Variants in GABRA5 observed in about 807,000 individuals in gnomAD.
GABRA5 encodes gamma-aminobutyric acid type A receptor subunit alpha5, also known as gamma-aminobutyric acid receptor subunit alpha-5.
GABRA5 carries 18 observed loss-of-function variants against 47.3 expected under a neutral mutation model. The observed-to-expected ratio is 0.38, with a 90% confidence interval of 0.26 to 0.56. The LOEUF is 0.56. Among genes scored for constraint, GABRA5 ranks in the 20% least tolerant of loss-of-function variants. GABRA5 has a pLI of 0.71. For synonymous variants in GABRA5, 237 were observed against 229.3 expected, an observed-to-expected ratio of 1.03 and a Z score of -0.30; for missense variants, 365 against 599.3, an observed-to-expected ratio of 0.61 and a Z score of 4.08.
intron 3 of GABRA5, among the ~76,000 whole-genome samples, chr15:26,872,493 T>C (rs1203066594): frequency 6.6e-6 from 1 of 152,214 alleles, no homozygotes; most frequent in East Asian, 1.9e-4. Context: ...AGAGGGAACG[T>C]AATTCTAAAA....
At chr15:26,905,196 C>T (rs1216044153) in intron 6 of GABRA5, among the ~76,000 whole-genome samples, 1 of 151,922 alleles carries the variant, frequency 6.6e-6, no homozygotes, top group Admixed American at 6.6e-5. Flanking sequence ...GGAATGCTCC[C>T]TCAGTGGCTG....
rs527687461 is a variant in GABRA5, at chr15:26,883,185, G to A, written c.228G>A (p.Arg76=). 4 of 1,613,928 alleles carry A rather than the reference G, an allele frequency of 2.5e-6. 1 individual carries two copies. In the South Asian group the frequency reaches 4.4e-5, roughly 18 times the overall value. The change falls in exon 5 of 11, where the codon AGG becomes AGA. Residue 76 remains arginine (R), a synonymous_variant. Transcript: ENST00000335625. The surrounding 1 kb of genome is among the most constrained non-coding windows in gnomAD (Gnocchi z 4.8). ...PGLGERITQV[R]TDIYVTSFGP... is the part of the protein sequence containing the mutation. Reference sequence around the variant, plus strand: ...TTTCAGAGCGCATCACTCAGGTGAGGACCGACATCTACGTCACCAGCTTCG... The same window carrying A: ...TTTCAGAGCGCATCACTCAGGTGAGAACCGACATCTACGTCACCAGCTTCG...
chr15:26,943,208 C>T lies in GABRA5; in HGVS notation c.878-7C>T, dbSNP rs1894427464. 1 of 1,549,656 alleles carries T rather than the reference C, an allele frequency of 6.5e-7. No individual in the cohort carries two copies. The highest frequency in any genetic ancestry group is 2.4e-5 in the East Asian group (1 of 40,934). On this transcript the variant is annotated splice_region_variant and splice_polypyrimidine_tract_variant and intron_variant, in intron 9 of 10. Coordinates refer to ENST00000335625, the MANE Select transcript of GABRA5 (RefSeq NM_000810.4). Reference sequence around the variant, plus strand: ...GTTTTTCACTCTGCCCTGCCTGACCCCCGCAGGGGTCACCACGGTGCTGAC... The same window carrying T: ...GTTTTTCACTCTGCCCTGCCTGACCTCCGCAGGGGTCACCACGGTGCTGAC...
chr15:26,887,519 A>G (rs920078470), intron 6 of GABRA5, among the ~76,000 whole-genome samples: 1 of 151,966 alleles, frequency 6.6e-6, no homozygotes, highest in Non-Finnish European at 1.5e-5. Context: ...TAAAGTAGAG[A>G]CGGGGTTTCA....
At chr15:26,935,719 C>G (rs538333647) in intron 7 of GABRA5, among the ~76,000 whole-genome samples, 2 of 152,354 alleles carry the variant, frequency 1.3e-5, no homozygotes, top group Admixed American at 1.3e-4. Flanking sequence ...TGCAGGAGGC[C>G]TCTCCACCCT....
Position 26,883,602 on chromosome 15 carries a change from G to A in GABRA5, c.497+45G>A, listed in dbSNP as rs777312866. On this transcript the variant is annotated intron_variant, in intron 6 of 10. Transcript: ENST00000335625. The surrounding 1 kb of genome is among the most constrained non-coding windows in gnomAD (Gnocchi z 4.8). The stretch of plus-strand genomic sequence containing the variant: ...GGGCGGGGCCGGGGGACGGTGCGGG[G>A]CAGGCGCGGCTGCCCATCCTGCCGC... 1 of 1,415,088 alleles carries A rather than the reference G, an allele frequency of 7.1e-7. No individual in the cohort carries two copies. The highest frequency in any genetic ancestry group is 1.3e-5 in the South Asian group (1 of 76,042). The allele number at this position is 1,415,088 out of a possible 1,614,324, so 87.7% of individuals were successfully genotyped here.
At chr15:26,938,529 C>T (rs766998190) in intron 8 of GABRA5, among the ~76,000 whole-genome samples, 35 of 152,256 alleles carry the variant, frequency 2.3e-4, no homozygotes, top group African/African-American at 4.8e-4. Context: ...AAAGAACTAC[C>T]GCCAAAATAA....
In GABRA5 at chr15:26,934,874, G is replaced by T. The variant is rs7168205; in HGVS notation, c.581-2311G>T. 5.2e-3 allele frequency among the ~76,000 whole-genome samples: 793 copies of T among 152,290 alleles called. 9 individuals carry two copies. Among genetic ancestry groups the T allele is most frequent in the African/African-American group, 0.018 (751 of 41,558 alleles). On this transcript the variant is annotated intron_variant, in intron 7 of 10. Coordinates refer to ENST00000335625, the MANE Select transcript of GABRA5 (RefSeq NM_000810.4). ...AGAGGACAGGCAGGGTCAACTCAGG[G>T]GAAGAAGCCTGAAGGAAAACGGTGA... is the stretch of plus-strand genomic sequence containing the variant.
intron 6 of GABRA5, among the ~76,000 whole-genome samples, chr15:26,900,027 T>C (rs1951513126): frequency 6.6e-6 from 1 of 152,086 alleles, no homozygotes; most frequent in Non-Finnish European, 1.5e-5. Context: ...TTAATTTTCA[T>C]GTAATTTCTT....
At position 26,883,581 on chromosome 15, in the gene GABRA5, GGGGCC is replaced by G; in HGVS notation, c.497+28_497+32del. The G allele has an allele frequency of 2.1e-6, 3 of 1,462,878 alleles. No individual in the cohort carries two copies. The highest frequency in any genetic ancestry group is 2.8e-6 in the Non-Finnish European group (3 of 1,072,524). 90.6% of individuals were successfully genotyped at this position (1,462,878 alleles called of 1,614,324 possible). A position where few individuals can be genotyped will look rare whatever the true frequency, so the allele number is the denominator to read the frequency against. ...CGGTGAGCGCCGGGCGGGGGCGGGC[GGGGCC>G]GGGGGACGGTGCGGGGCAGGCGCGG... On this transcript the variant is annotated intron_variant, in intron 6 of 10. Coordinates refer to ENST00000335625, the MANE Select transcript of GABRA5 (RefSeq NM_000810.4). The surrounding 1 kb of genome is among the most constrained non-coding windows in gnomAD (Gnocchi z 4.8).
At chr15:26,893,075 C>T (rs977678962) in intron 6 of GABRA5, among the ~76,000 whole-genome samples, 1 of 142,730 alleles carries the variant, frequency 7.0e-6, no homozygotes, top group Non-Finnish European at 1.5e-5. Flanking sequence ...CGCTGTGTGG[C>T]GTGTTTGGGG....
chr15:26,909,145 A>G (rs925466184), intron 6 of GABRA5, among the ~76,000 whole-genome samples: 2 of 152,114 alleles, frequency 1.3e-5, no homozygotes, highest in Non-Finnish European at 2.9e-5. Context: ...CTAGGGGACA[A>G]TCTGTGTCCT....
At chr15:26,940,771 C>G (rs1461755574) in intron 9 of GABRA5, among the ~76,000 whole-genome samples, 1 of 152,174 alleles carries the variant, frequency 6.6e-6, no homozygotes. Flanking sequence ...CATTTTACAT[C>G]CCTAAGACAT....
At chr15:26,902,500 A>G (rs1022812032) in intron 6 of GABRA5, among the ~76,000 whole-genome samples, 8 of 152,084 alleles carry the variant, frequency 5.3e-5, no homozygotes, top group African/African-American at 1.9e-4. Context: ...AGCTTACTCT[A>G]TTCATGTATT....
chr15:26,891,713 G>C (rs138631479), intron 6 of GABRA5, among the ~76,000 whole-genome samples: 15,807 of 152,220 alleles, frequency 0.1, 914 homozygotes, highest in East Asian at 0.17. Context: ...CAGAGCCAGG[G>C]AGGCTGCGCT....
At chr15:26,947,551 T>C (rs1894540907) in intron 10 of GABRA5, among the ~76,000 whole-genome samples, 1 of 152,222 alleles carries the variant, frequency 6.6e-6, no homozygotes, top group Non-Finnish European at 1.5e-5. Flanking sequence ...TTATCATTCT[T>C]TTTTATGGCT....
In GABRA5 at chr15:26,909,562, C is replaced by A. The variant is rs191803081; in HGVS notation, c.498-5241C>A. On this transcript the variant is annotated intron_variant, in intron 6 of 10. Coordinates refer to ENST00000335625, the MANE Select transcript of GABRA5 (RefSeq NM_000810.4). ...TTGGCAGGATTGCATTTCTTTTGGA[C>A]GCTCTAGGGGAGAGGCTGTTTCTTG... Among the ~76,000 whole-genome samples the A allele has an allele frequency of 5.2e-3, 794 of 152,270 alleles. 6 individuals are homozygous for A. The highest frequency in any genetic ancestry group is 0.012 in the South Asian group (58 of 4,816).
intron 6 of GABRA5, among the ~76,000 whole-genome samples, chr15:26,911,375 A>G (rs1355504007): frequency 1.2e-4 from 17 of 139,064 alleles, no homozygotes; most frequent in African/African-American, 2.6e-4. Flanking sequence ...CTGCATGCAC[A>G]CACACACACA....
intron 7 of GABRA5, among the ~76,000 whole-genome samples, chr15:26,918,347 C>T (rs1451205661): frequency 6.6e-6 from 1 of 152,054 alleles, no homozygotes; most frequent in Non-Finnish European, 1.5e-5. Context: ...TGGTTTCATT[C>T]CATGTGGTAG....
Sources: allele counts gnomAD v4.1 joint callset (sites outside exome capture counted in the v4.1 genomes callset), GRCh38; gene constraint gnomAD v4.1.1; non-coding constraint Gnocchi (gnomAD v3.1); transcripts MANE v1.5; gene names NCBI Gene and HGNC (gene_info 2026-07-23, HGNC 2026-07-21).